The following EIPR1 variants were observed in gnomAD, a reference collection of about 807,000 sequenced individuals.
EIPR1 encodes the protein EARP complex and GARP complex interacting protein 1.
EIPR1 carries 25 observed loss-of-function variants against 48.1 expected under a neutral mutation model. That is an observed-to-expected ratio of 0.52 (90% CI 0.38 to 0.73). EIPR1 has a LOEUF of 0.73. Among genes scored for constraint, EIPR1 ranks in the 30% least tolerant of loss-of-function variants. EIPR1 has a pLI of 0.00. For synonymous variants in EIPR1, 204 were observed against 201.9 expected, an observed-to-expected ratio of 1.01 and a Z score of -0.09; for missense variants, 415 against 506.2, an observed-to-expected ratio of 0.82 and a Z score of 1.73.
intron 5 of EIPR1, among the ~76,000 whole-genome samples, chr2:3,212,258 C>G (rs116839595): frequency 6.6e-6 from 1 of 152,136 alleles, no homozygotes; most frequent in African/African-American, 2.4e-5. Context: ...TTGAGATGAC[C>G]GAGGCTCTGA....
At chr2:3,194,225 C>G in intron 6 of EIPR1, 59 bp from the exon 7 acceptor site, 8 of 1,588,754 alleles carry the variant, frequency 5.0e-6, no homozygotes, top group Non-Finnish European at 6.9e-6. Context: ...AAAGCCACTG[C>G]GTGCTGCGGG....
Position 3,189,583 on chromosome 2 carries a change from A to G in EIPR1, c.990-75T>C, listed in dbSNP as rs1402063024. The stretch of plus-strand genomic sequence containing the variant: ...GCAGGAGAGGGGCAGGGAGGACGCG[A>G]GCGCTGACATCGGGAGACACGGGAG... On this transcript the variant is annotated intron_variant, in intron 8 of 8. Transcript: ENST00000382125. The surrounding 1 kb of genome is among the most constrained non-coding windows in gnomAD (Gnocchi z 4.6). 3.6e-6 allele frequency: 5 copies of G among 1,390,110 alleles called. No individual in the cohort carries two copies. The highest frequency in any genetic ancestry group is 1.4e-5 in the African/African-American group (1 of 69,838). The allele number at this position is 1,390,110 out of a possible 1,614,324, so 86.1% of individuals were successfully genotyped here.
At position 3,325,405 on chromosome 2, in the gene EIPR1, C is replaced by T. The variant is rs536911673; in HGVS notation, c.259+12612G>A. Among the ~76,000 whole-genome samples the T allele has an allele frequency of 3.3e-5, 5 of 152,328 alleles. No homozygotes were observed. In the South Asian group the frequency reaches 1.0e-3, roughly 32 times the overall value. On this transcript the variant is annotated intron_variant, in intron 3 of 8. Transcript: ENST00000382125. ...TCTTCAGAGAGGACCAGCATCCTGTCCACTGTGGCCCTTTGGATTTGGCAA... is the reference window on the plus strand; with the variant it reads ...TCTTCAGAGAGGACCAGCATCCTGTTCACTGTGGCCCTTTGGATTTGGCAA...
At chr2:3,221,071 C>A (rs1665875768) in intron 4 of EIPR1, among the ~76,000 whole-genome samples, 2 of 17,610 alleles carry the variant, frequency 1.1e-4, no homozygotes, top group African/African-American at 2.3e-4. Flanking sequence ...CACACGCACA[C>A]AATGGCCGAG....
rs573418991 is a variant in EIPR1, at chr2:3,267,757, G to C, written c.260-10302C>G. On this transcript the variant is annotated intron_variant, in intron 3 of 8. Coordinates refer to ENST00000382125, the MANE Select transcript of EIPR1 (RefSeq NM_003310.5). ...ATCTAGCCTGCACCCCATGAGCTAAGAGTGGTTCTGCATTTTTAAAGGGAC... is the reference window on the plus strand; with the variant it reads ...ATCTAGCCTGCACCCCATGAGCTAACAGTGGTTCTGCATTTTTAAAGGGAC... Among the ~76,000 whole-genome samples the C allele has an allele frequency of 2.0e-5, 3 of 152,276 alleles. No homozygotes were observed. The South Asian group carries it at 6.2e-4, about 32-fold the overall frequency.
chr2:3,250,071 C>G (rs968256343), intron 4 of EIPR1, among the ~76,000 whole-genome samples: 1 of 152,150 alleles, frequency 6.6e-6, no homozygotes, highest in African/African-American at 2.4e-5. Flanking sequence ...GGTTGAAGTC[C>G]CCACAGAGTC....
intron 4 of EIPR1, among the ~76,000 whole-genome samples, chr2:3,229,446 A>T (rs556936686): frequency 6.6e-6 from 1 of 152,250 alleles, no homozygotes; most frequent in Non-Finnish European, 1.5e-5. Flanking sequence ...TCATTCTGGC[A>T]TGAGATTTTC....
chr2:3,208,971 G>A lies in EIPR1; in HGVS notation c.516+5178C>T, dbSNP rs144516984. On this transcript the variant is annotated intron_variant, in intron 5 of 8. Transcript: ENST00000382125. Reference sequence around the variant, plus strand: ...AGATTCTTCCCTCTAATAGGACAAGGGAAGAGCTCTCATATTATCAAGGTC... The same window carrying A: ...AGATTCTTCCCTCTAATAGGACAAGAGAAGAGCTCTCATATTATCAAGGTC... The A allele has an allele frequency of 1.1e-4, 165 of 1,476,692 alleles. 1 individual carries two copies. In the East Asian group the frequency reaches 3.9e-3, roughly 35 times the overall value. The allele number at this position is 1,476,692 out of a possible 1,614,324, so 91.5% of individuals were successfully genotyped here.
chr2:3,317,934 G>C (rs908038392), intron 3 of EIPR1, among the ~76,000 whole-genome samples: 10 of 152,260 alleles, frequency 6.6e-5, no homozygotes, highest in Non-Finnish European at 1.2e-4. Flanking sequence ...TCTGTTGCCT[G>C]GGCCACCCAG....
At chr2:3,268,129 C>T (rs1667549034) in intron 3 of EIPR1, among the ~76,000 whole-genome samples, 1 of 152,206 alleles carries the variant, frequency 6.6e-6, no homozygotes, top group African/African-American at 2.4e-5. Context: ...GACCCCACCA[C>T]CTCAGCCTGG....
At chr2:3,330,056 G>A (rs1476667141) in intron 3 of EIPR1, among the ~76,000 whole-genome samples, 1 of 152,266 alleles carries the variant, frequency 6.6e-6, no homozygotes, top group African/African-American at 2.4e-5. Context: ...GCACCAGCCT[G>A]GGCTTCCTGG....
chr2:3,206,091 C>G (rs1022974716), intron 5 of EIPR1, among the ~76,000 whole-genome samples: 49 of 152,270 alleles, frequency 3.2e-4, no homozygotes, highest in African/African-American at 1.1e-3. Flanking sequence ...AGGCCCAGTG[C>G]CACCTTCAGG....
chr2:3,196,232 C>G (rs1158215445), intron 6 of EIPR1, among the ~76,000 whole-genome samples: 1 of 152,218 alleles, frequency 6.6e-6, no homozygotes, highest in African/African-American at 2.4e-5. Context: ...CGAGTTATTG[C>G]ATGACATCCG....
chr2:3,361,904 C>T (rs765122339), intron 1 of EIPR1, among the ~76,000 whole-genome samples: 3 of 152,238 alleles, frequency 2.0e-5, no homozygotes, highest in Non-Finnish European at 4.4e-5. Context: ...CAAGGCCTTC[C>T]CAATCGCCTC....
At chr2:3,231,138 T>C (rs1183930507) in intron 4 of EIPR1, among the ~76,000 whole-genome samples, 1 of 152,226 alleles carries the variant, frequency 6.6e-6, no homozygotes, top group Non-Finnish European at 1.5e-5. Context: ...TCTTAATTTC[T>C]TTCTTGGATA....
chr2:3,260,729 A>G (rs1667309702), intron 3 of EIPR1, among the ~76,000 whole-genome samples: 1 of 152,218 alleles, frequency 6.6e-6, no homozygotes, highest in Non-Finnish European at 1.5e-5. Flanking sequence ...ACACTTCACA[A>G]AAGAAAACAT....
chr2:3,209,756 C>A (rs531957617), intron 5 of EIPR1, among the ~76,000 whole-genome samples: 1 of 152,310 alleles, frequency 6.6e-6, no homozygotes, highest in Non-Finnish European at 1.5e-5. Flanking sequence ...TACTAAGGGA[C>A]AGAAACCAAT....
intron 5 of EIPR1, among the ~76,000 whole-genome samples, chr2:3,205,056 C>G (rs1346028567): frequency 6.6e-6 from 1 of 152,198 alleles, no homozygotes; most frequent in African/African-American, 2.4e-5. Flanking sequence ...GGACAGAGAA[C>G]AGCAGGGTGA....
chr2:3,279,948 A>G (rs961816259), intron 3 of EIPR1, among the ~76,000 whole-genome samples: 1 of 152,266 alleles, frequency 6.6e-6, no homozygotes, highest in African/African-American at 2.4e-5. Flanking sequence ...CCTGGAGCCT[A>G]TCAGCTGCAG....
Sources: allele counts gnomAD v4.1 joint callset (sites outside exome capture counted in the v4.1 genomes callset), GRCh38; gene constraint gnomAD v4.1.1; non-coding constraint Gnocchi (gnomAD v3.1); transcripts MANE v1.5; gene names NCBI Gene and HGNC (gene_info 2026-07-23, HGNC 2026-07-21).